The following IQGAP2 variants were observed in gnomAD, a reference collection of about 807,000 sequenced individuals.
IQGAP2 encodes IQ motif containing GTPase activating protein 2, also known as ras GTPase-activating-like protein IQGAP2.
A neutral mutation model predicts 201.3 loss-of-function variants in IQGAP2; 173 were observed. The ratio of observed to expected loss-of-function variants is 0.86; its 90% CI spans 0.76 to 0.98. The LOEUF is 0.98. IQGAP2 is among the 50% of genes least tolerant of loss of function. The probability of loss-of-function intolerance (pLI) is 0.00; values close to 1 mark genes in which losing one functional copy is unlikely to be tolerated. For synonymous variants in IQGAP2, 675 were observed against 673.9 expected, an observed-to-expected ratio of 1.00 and a Z score of -0.03; for missense variants, 1,687 against 1,864.8, an observed-to-expected ratio of 0.90 and a Z score of 1.76.
At position 76,702,514 on chromosome 5, in the gene IQGAP2, C is replaced by A; in HGVS notation, c.4538C>A (p.Thr1513Asn). The A allele has an allele frequency of 6.3e-7, 1 of 1,584,696 alleles. No homozygotes were observed. Among genetic ancestry groups the A allele is most frequent in the Non-Finnish European group, 8.7e-7 (1 of 1,153,320 alleles). Residue 1513 changes from threonine to asparagine, a missense_variant, in exon 35 of 36, where the codon ACT becomes AAT. By Grantham distance (65) the Thr-to-Asn change is moderately conservative (BLOSUM62 0). Transcript: ENST00000274364. Reference sequence around the variant, plus strand: ...AATGTTACATTTGATATCATAGCTACTGAAGATGTAGGCATTTTCGATGTA... The same window carrying A: ...AATGTTACATTTGATATCATAGCTAATGAAGATGTAGGCATTTTCGATGTA... Reference protein sequence around the residue: ...FKNVTFDIIATEDVGIFDVRS... With the variant: ...FKNVTFDIIANEDVGIFDVRS...
At chr5:76,462,817 G>T (rs1026372200) in intron 2 of IQGAP2, among the ~76,000 whole-genome samples, 4 of 152,230 alleles carry the variant, frequency 2.6e-5, no homozygotes, top group Non-Finnish European at 2.9e-5. Flanking sequence ...GTAGTGTCAC[G>T]TAACTTTCTT....
intron 21 of IQGAP2, chr5:76,660,338 C>T (rs1267753218): frequency 6.6e-6 from 1 of 152,168 alleles, no homozygotes; most frequent in Non-Finnish European, 1.5e-5. Context: ...ACATTTAACT[C>T]TACTTTTATT....
intron 1 of IQGAP2, among the ~76,000 whole-genome samples, chr5:76,445,091 G>T (rs1481481715): frequency 2.0e-5 from 3 of 152,160 alleles, no homozygotes; most frequent in African/African-American, 7.2e-5. Context: ...ACGGTGAGGG[G>T]TGGGTGGCCT....
chr5:76,501,006 C>A (rs952179471), intron 2 of IQGAP2, among the ~76,000 whole-genome samples: 1 of 152,104 alleles, frequency 6.6e-6, no homozygotes, highest in African/African-American at 2.4e-5. Flanking sequence ...CTACCATGGA[C>A]AGGCTGACTT....
In IQGAP2 at chr5:76,455,344, T is replaced by C. The variant is rs188100932; in HGVS notation, c.47-6226T>C. Among the ~76,000 whole-genome samples, 18 of 151,598 alleles carry C rather than the reference T, an allele frequency of 1.2e-4. No homozygotes were observed. The East Asian group carries it at 3.5e-3, about 29-fold the overall frequency. On this transcript the variant is annotated intron_variant, in intron 1 of 35. Transcript: ENST00000274364. ...GGCGCATGCCTGTAGTCCCAGCTAC[T>C]TGAGAGGCTGAGTCATGAGAATCGC...
At chr5:76,414,426 A>G (rs1751305267) in intron 1 of IQGAP2, among the ~76,000 whole-genome samples, 1 of 152,190 alleles carries the variant, frequency 6.6e-6, no homozygotes, top group Admixed American at 6.5e-5. Flanking sequence ...TGTCCAAGAA[A>G]TGGTAGTTAT....
intron 4 of IQGAP2, among the ~76,000 whole-genome samples, chr5:76,571,109 A>G (rs1341070731): frequency 6.6e-6 from 1 of 151,944 alleles, no homozygotes; most frequent in African/African-American, 2.4e-5. Flanking sequence ...AAAAAAAAAA[A>G]AAAAAAGAAA....
intron 1 of IQGAP2, among the ~76,000 whole-genome samples, chr5:76,421,077 A>G (rs1290478176): frequency 6.6e-6 from 1 of 152,202 alleles, no homozygotes; most frequent in Non-Finnish European, 1.5e-5. Flanking sequence ...AGTTTTGGGT[A>G]TATACCCAGA....
intron 1 of IQGAP2, among the ~76,000 whole-genome samples, chr5:76,452,133 T>TAAA: frequency 7.0e-6 from 1 of 142,904 alleles, no homozygotes; most frequent in South Asian, 2.2e-4. Flanking sequence ...GTATAAGAAT[T>TAAA]AAAAAAAAAA....
intron 2 of IQGAP2, among the ~76,000 whole-genome samples, chr5:76,467,053 C>G (rs1754820607): frequency 6.6e-6 from 1 of 152,112 alleles, no homozygotes; most frequent in African/African-American, 2.4e-5. Context: ...GAGATCGAGA[C>G]CAGCCTGGGC....
chr5:76,454,980 C>A (rs1170184081), intron 1 of IQGAP2, among the ~76,000 whole-genome samples: 3 of 152,134 alleles, frequency 2.0e-5, no homozygotes, highest in African/African-American at 7.2e-5. Context: ...TTAATGATTG[C>A]CATTCTAACT....
intron 2 of IQGAP2, among the ~76,000 whole-genome samples, chr5:76,559,578 C>T (rs935973566): frequency 6.6e-6 from 1 of 152,126 alleles, no homozygotes; most frequent in Non-Finnish European, 1.5e-5. Flanking sequence ...GGGTTTTCTT[C>T]GTGAGTCAGC....
rs1028475928 is a variant in IQGAP2 at position 76,630,066 on chromosome 5, A to G, written c.1613-1793A>G. On this transcript the variant is annotated intron_variant, in intron 14 of 35. Transcript: ENST00000274364. ...TTCTTTTCTTAGGCAAAACTCTATTATCTTGGTAGTTTCTTTTCCTGGTTG... is the reference window on the plus strand; with the variant it reads ...TTCTTTTCTTAGGCAAAACTCTATTGTCTTGGTAGTTTCTTTTCCTGGTTG... Among the ~76,000 whole-genome samples, 9 of 152,208 alleles carry G rather than the reference A, an allele frequency of 5.9e-5. No individual in the cohort carries two copies. The South Asian group carries it at 1.9e-3, about 32-fold the overall frequency.
intron 8 of IQGAP2, among the ~76,000 whole-genome samples, chr5:76,590,799 T>C (rs1406909465): frequency 6.6e-6 from 1 of 152,088 alleles, no homozygotes; most frequent in Admixed American, 6.5e-5. Flanking sequence ...AAAAAGGAAT[T>C]TTATAGTCCA....
chr5:76,496,748 T>TCTTTCTTTCTTTCTTTC (rs1561416350), intron 2 of IQGAP2, among the ~76,000 whole-genome samples: 9 of 61,356 alleles, frequency 1.5e-4, no homozygotes, highest in African/African-American at 8.0e-4. Flanking sequence ...TTTCTTTCTT[T>TCTTTCTTTCTTTCTTTC]CTTTCTTTCT....
rs550517723 is a variant in IQGAP2 at position 76,407,967 on chromosome 5, C to T, written c.46+4376C>T. 1.5e-3 allele frequency among the ~76,000 whole-genome samples: 233 copies of T among 152,272 alleles called. 2 individuals carry two copies. In the Middle Eastern group the frequency reaches 0.037, roughly 24 times the overall value. ...CCAGCATAGTGAAACCTTGTCTCTA[C>T]TAAAAATACAAAAATTAGCCTGGTG... On this transcript the variant is annotated intron_variant, in intron 1 of 35. Transcript: ENST00000274364.
At chr5:76,665,290 A>G in intron 22 of IQGAP2, 115 bp downstream of exon 22, 1 of 858,738 alleles carries the variant, frequency 1.2e-6, no homozygotes, top group Non-Finnish European at 1.9e-6. Context: ...TGTTTTGAGC[A>G]TCTACTAAGT....
At chr5:76,514,055 C>CT (rs1758153680) in intron 2 of IQGAP2, among the ~76,000 whole-genome samples, 1 of 111,206 alleles carries the variant, frequency 9.0e-6, no homozygotes, top group Non-Finnish European at 1.7e-5. Flanking sequence ...GAGTCTTGCT[C>CT]TGTCACCCAG....
chr5:76,616,901 C>G (rs1295289494), intron 13 of IQGAP2: 1 of 151,580 alleles, frequency 6.6e-6, no homozygotes, highest in African/African-American at 2.4e-5. Context: ...GATAAAAGAC[C>G]CTGGTGAGGG....
Sources: gnomAD v4.1 joint callset for allele counts (sites outside exome capture counted in the v4.1 genomes callset) on GRCh38, gnomAD v4.1.1 for gene constraint, MANE v1.5 for transcripts, NCBI Gene and HGNC (gene_info 2026-07-23, HGNC 2026-07-21) for gene names.